The following WIF1 variants were observed in gnomAD, a reference collection of about 807,000 sequenced individuals.
WIF1 encodes Wnt inhibitory factor 1.
WIF1 carries 35 observed loss-of-function variants against 53.5 expected under a neutral mutation model. The observed-to-expected ratio is 0.65, with a 90% CI of 0.50 to 0.87. The LOEUF (loss-of-function observed/expected upper bound fraction) is 0.87, where lower values mean the gene tolerates loss of function less well. Among genes scored for constraint, WIF1 ranks in the 40% least tolerant of loss-of-function variants. WIF1 has a pLI of 0.00. For missense variants in WIF1, 467 were observed against 476.8 expected (o/e 0.98, Z 0.19); for synonymous variants, 171 against 170.4 (o/e 1.00, Z -0.03).
At chr12:65,115,974 A>T (rs1883502756) in intron 2 of WIF1, among the ~76,000 whole-genome samples, 2 of 152,212 alleles carry the variant, frequency 1.3e-5, no homozygotes, top group African/African-American at 2.4e-5. Context: ...ATAATAAAGT[A>T]TTTATAATAC....
intron 3 of WIF1, among the ~76,000 whole-genome samples, chr12:65,074,817 CAAAAAAAAAAAAAA>C (rs758690202): frequency 1.8e-5 from 1 of 55,452 alleles, no homozygotes; most frequent in Non-Finnish European, 3.2e-5. Context: ...CACTCTGTCT[CAAAAAAAAAAAAAA>C]AAAAAAAGAA....
At chr12:65,105,041 A>G (rs1027980321) in intron 2 of WIF1, among the ~76,000 whole-genome samples, 1 of 152,076 alleles carries the variant, frequency 6.6e-6, no homozygotes, top group African/African-American at 2.4e-5. Context: ...TCAAGTAAGA[A>G]AGGGGTTAAA....
intron 3 of WIF1, among the ~76,000 whole-genome samples, chr12:65,076,286 C>T (rs559279556): frequency 2.0e-5 from 3 of 152,196 alleles, no homozygotes; most frequent in East Asian, 3.9e-4. Flanking sequence ...ATCCTCCCCC[C>T]TCGGCCCCCC....
chr12:65,083,356 A>G (rs1429979395), intron 2 of WIF1, among the ~76,000 whole-genome samples: 1 of 152,168 alleles, frequency 6.6e-6, no homozygotes, highest in Non-Finnish European at 1.5e-5. Context: ...TCTAGAGCAA[A>G]AATTGCCAGA....
intron 7 of WIF1, 33 bp from the exon 8 acceptor site, chr12:65,056,159 A>G (rs578185016): frequency 6.3e-7 from 1 of 1,590,408 alleles, no homozygotes; most frequent in South Asian, 1.1e-5. Flanking sequence ...TAAACAAGGA[A>G]CCTGGTGCTT....
intron 2 of WIF1, among the ~76,000 whole-genome samples, chr12:65,110,936 C>G (rs1334465138): frequency 6.6e-6 from 1 of 152,106 alleles, no homozygotes; most frequent in Non-Finnish European, 1.5e-5. Flanking sequence ...CAGGGGAAGC[C>G]TCTGAGAGGA....
In WIF1 at chr12:65,050,711, A is replaced by G. The variant is rs534323415; in HGVS notation, c.*638T>C. 1.1e-5 allele frequency: 2 copies of G among 185,016 alleles called. No homozygotes were observed. The highest frequency in any genetic ancestry group is 1.8e-4 in the East Asian group (2 of 11,298). 11.5% of individuals were successfully genotyped at this position (185,016 alleles called of 1,614,324 possible). A position where few individuals can be genotyped will look rare whatever the true frequency, so the allele number is the denominator to read the frequency against. On this transcript the variant is annotated 3_prime_UTR_variant, in exon 10 of 10. Transcript: ENST00000286574. ...GTAAGAGCTGTGTTTTGTTTACAAT[A>G]TATTATATTGCTTCAAGCCAATGCA...
At chr12:65,070,680 T>A (rs1319153731) in intron 3 of WIF1, among the ~76,000 whole-genome samples, 1 of 152,080 alleles carries the variant, frequency 6.6e-6, no homozygotes, top group African/African-American at 2.4e-5. Flanking sequence ...ATTTTCCAGG[T>A]GTATCTTTTT....
At chr12:65,077,499 T>C (rs1024232972) in intron 3 of WIF1, among the ~76,000 whole-genome samples, 13 of 152,164 alleles carry the variant, frequency 8.5e-5, no homozygotes, top group African/African-American at 3.1e-4. Flanking sequence ...AAGTCTGGAA[T>C]CATTTATGAA....
intron 9 of WIF1, among the ~76,000 whole-genome samples, chr12:65,053,024 T>A (rs1882464151): frequency 6.6e-6 from 1 of 152,178 alleles, no homozygotes; most frequent in African/African-American, 2.4e-5. Flanking sequence ...TTATTTTGAT[T>A]CTGAAGCAAG....
At chr12:65,097,822 G>A (rs192689545) in intron 2 of WIF1, among the ~76,000 whole-genome samples, 45 of 152,220 alleles carry the variant, frequency 3.0e-4, no homozygotes, top group Admixed American at 6.5e-4. Flanking sequence ...TGTCTTTGGT[G>A]TCTTCCCTTA....
chr12:65,089,680 A>G (rs1013552131), intron 2 of WIF1, among the ~76,000 whole-genome samples: 2 of 152,040 alleles, frequency 1.3e-5, no homozygotes, highest in African/African-American at 4.8e-5. Flanking sequence ...TTCATACTCT[A>G]TGCCTGGAGT....
At chr12:65,073,088 T>G (rs2136618485) in intron 3 of WIF1, among the ~76,000 whole-genome samples, 1 of 152,214 alleles carries the variant, frequency 6.6e-6, no homozygotes. Flanking sequence ...CAGCCTCCAG[T>G]CAGTTGAGTC....
intron 9 of WIF1, among the ~76,000 whole-genome samples, chr12:65,053,468 G>A (rs531141989): frequency 5.9e-5 from 9 of 152,232 alleles, no homozygotes; most frequent in Non-Finnish European, 8.8e-5. Flanking sequence ...GAGTTCTCAC[G>A]AGATCTGACA....
Position 65,074,817 on chromosome 12 carries a change from CA to C in WIF1, c.397+2928del, listed in dbSNP as rs758690202. On this transcript the variant is annotated intron_variant, in intron 3 of 9. Coordinates refer to ENST00000286574, the MANE Select transcript of WIF1 (RefSeq NM_007191.5). ...TGGGTAACAGAGGGACACTCTGTCT[CA>C]AAAAAAAAAAAAAAAAAAAAGAAAA... Among the ~76,000 whole-genome samples the C allele has an allele frequency of 8.2e-3, 457 of 55,414 alleles. 2 individuals are homozygous for C. The highest frequency in any genetic ancestry group is 0.029 in the African/African-American group (413 of 14,268). The allele number at this position is 55,414 out of a possible 152,430, so 36.4% of individuals were successfully genotyped here. A position where few individuals can be genotyped will look rare whatever the true frequency, so the allele number is the denominator to read the frequency against.
chr12:65,083,776 C>A, intron 2 of WIF1: 1 of 320,578 alleles, frequency 3.1e-6, no homozygotes, highest in Non-Finnish European at 5.7e-6. Flanking sequence ...TTCCTTTTCC[C>A]TTTCCCTTTC....
chr12:65,082,866 C>T (rs989624753), intron 2 of WIF1, among the ~76,000 whole-genome samples: 3 of 152,140 alleles, frequency 2.0e-5, no homozygotes, highest in African/African-American at 7.2e-5. Flanking sequence ...TTGTAGGAGC[C>T]TCTGAGTTAA....
intron 9 of WIF1, among the ~76,000 whole-genome samples, chr12:65,052,104 C>T (rs1014029928): frequency 1.3e-5 from 2 of 152,160 alleles, no homozygotes; most frequent in Admixed American, 1.3e-4. Flanking sequence ...AACTTCAGAC[C>T]TCCCTTCTTC....
chr12:65,121,055 C>G lies in WIF1; in HGVS notation c.137G>C (p.Arg46Thr). The G allele has an allele frequency of 6.6e-7, 1 of 1,526,504 alleles. No individual in the cohort carries two copies. The highest frequency in any genetic ancestry group is 8.8e-7 in the Non-Finnish European group (1 of 1,132,728). The allele number at this position is 1,526,504 out of a possible 1,614,324, so 94.6% of individuals were successfully genotyped here. ...LYLWIDAHQARVLIGFEEDIL... is the reference protein window; with the variant it reads ...LYLWIDAHQATVLIGFEEDIL... ...GGCGGGGGCCTTACCTATGAGTACT[C>G]TTGCCTGGTGAGCATCGATCCATAG... The change falls in exon 1 of 10, where the codon AGA (arginine) becomes ACA (threonine). Residue 46 changes from arginine (R) to threonine (T), a missense_variant. Coordinates refer to ENST00000286574, the MANE Select transcript of WIF1 (RefSeq NM_007191.5).
Sources: gnomAD v4.1 joint callset for allele counts (sites outside exome capture counted in the v4.1 genomes callset) on GRCh38, gnomAD v4.1.1 for gene constraint, MANE v1.5 for transcripts, NCBI Gene and HGNC (gene_info 2026-07-23, HGNC 2026-07-21) for gene names.